EYS: variants seen among roughly 807,000 people sequenced by gnomAD.
The protein encoded by EYS is EGF-like photoreceptor maintenance factor, also known as protein eyes shut homolog.
EYS carries 250 observed loss-of-function variants against 282.1 expected under a neutral mutation model. The ratio of observed to expected loss-of-function variants is 0.89; its 90% CI spans 0.80 to 0.98. The LOEUF is 0.98. Among genes scored for constraint, EYS ranks in the 50% least tolerant of loss-of-function variants. EYS has a pLI of 0.00. For synonymous variants in EYS, 1,355 were observed against 1,282.9 expected (o/e 1.06, Z -1.20); for missense variants, 4,016 against 3,709.0 (o/e 1.08, Z -2.15).
chr6:64,464,871 T>C (rs955911055), intron 26 of EYS, among the ~76,000 whole-genome samples: 4 of 151,826 alleles, frequency 2.6e-5, no homozygotes, highest in Admixed American at 6.6e-5. Context: ...TACCTTAAGA[T>C]AAAAATAAAA....
intron 2 of EYS, among the ~76,000 whole-genome samples, chr6:65,513,402 T>A (rs1404033223): frequency 6.6e-6 from 1 of 151,918 alleles, no homozygotes; most frequent in Non-Finnish European, 1.5e-5. Context: ...ACTATTCCAA[T>A]CAATAGAAAA....
At chr6:64,386,886 C>T (rs905891418) in intron 29 of EYS, among the ~76,000 whole-genome samples, 9 of 152,106 alleles carry the variant, frequency 5.9e-5, no homozygotes, top group Admixed American at 1.3e-4. Context: ...CAGTTGTACA[C>T]TTTGGTTGCT....
chr6:65,614,259 A>T (rs945248406), intron 2 of EYS, among the ~76,000 whole-genome samples: 1 of 152,042 alleles, frequency 6.6e-6, no homozygotes, highest in Non-Finnish European at 1.5e-5. Context: ...AGACTACCAT[A>T]TAAAAATTAC....
At chr6:64,897,226 G>A (rs751295177) in intron 18 of EYS, among the ~76,000 whole-genome samples, 2 of 152,120 alleles carry the variant, frequency 1.3e-5, no homozygotes, top group African/African-American at 4.8e-5. Flanking sequence ...TCTGGCAGGT[G>A]CTTCTCTGGG....
chr6:64,259,664 A>G (rs559775298), intron 30 of EYS, among the ~76,000 whole-genome samples: 3 of 82,658 alleles, frequency 3.6e-5, no homozygotes, highest in Admixed American at 2.4e-4. Flanking sequence ...ACACACACAC[A>G]CACACACACA....
At chr6:64,428,595 C>T (rs1774483470) in intron 28 of EYS, among the ~76,000 whole-genome samples, 1 of 152,082 alleles carries the variant, frequency 6.6e-6, no homozygotes, top group Admixed American at 6.6e-5. Flanking sequence ...CTATGATATG[C>T]TAATCTTTGT....
chr6:65,639,479 C>T (rs1767206715), intron 2 of EYS, among the ~76,000 whole-genome samples: 2 of 152,050 alleles, frequency 1.3e-5, no homozygotes, highest in South Asian at 4.1e-4. Context: ...ATCTCTTTCT[C>T]TTTCCAAGGC....
chr6:64,980,785 C>T (rs994590832), intron 14 of EYS, among the ~76,000 whole-genome samples: 3 of 151,192 alleles, frequency 2.0e-5, no homozygotes, highest in Non-Finnish European at 4.4e-5. Flanking sequence ...AGGCCTAAGA[C>T]TTTAATAGTT....
At chr6:64,494,229 A>G (rs544389593) in intron 26 of EYS, among the ~76,000 whole-genome samples, 18 of 151,782 alleles carry the variant, frequency 1.2e-4, no homozygotes, top group African/African-American at 4.1e-4. Flanking sequence ...ATTTATCCTC[A>G]AACCATTCTC....
At chr6:65,363,793 G>A (rs961951269) in intron 8 of EYS, among the ~76,000 whole-genome samples, 1 of 151,508 alleles carries the variant, frequency 6.6e-6, no homozygotes, top group Non-Finnish European at 1.5e-5. Flanking sequence ...TTTTCCAATT[G>A]TAGAAGTGTA....
intron 8 of EYS, among the ~76,000 whole-genome samples, chr6:65,364,559 G>T (rs1216705123): frequency 6.0e-5 from 9 of 151,120 alleles, no homozygotes; most frequent in Non-Finnish European, 1.0e-4. Flanking sequence ...GACTTCTTAT[G>T]ATATCCTTCT....
At chr6:64,120,520 A>C (rs899946403) in intron 31 of EYS, among the ~76,000 whole-genome samples, 3 of 152,096 alleles carry the variant, frequency 2.0e-5, no homozygotes, top group Non-Finnish European at 4.4e-5. Flanking sequence ...CAAATAGAAA[A>C]GAAAAAGGTA....
At chr6:64,461,419 C>CA (rs1459469782) in intron 26 of EYS, among the ~76,000 whole-genome samples, 2 of 151,874 alleles carry the variant, frequency 1.3e-5, no homozygotes, top group Admixed American at 1.3e-4. Context: ...GTTTACAAGC[C>CA]AAAAAACTGC....
intron 22 of EYS, among the ~76,000 whole-genome samples, chr6:64,727,088 T>C (rs1478013818): frequency 6.6e-6 from 1 of 152,168 alleles, no homozygotes; most frequent in Non-Finnish European, 1.5e-5. Flanking sequence ...TACAAAAATA[T>C]AAGTGTAATG....
intron 36 of EYS, among the ~76,000 whole-genome samples, chr6:63,832,778 G>A (rs1771682338): frequency 6.6e-6 from 1 of 152,116 alleles, no homozygotes; most frequent in African/African-American, 2.4e-5. Context: ...GAGAATTTTA[G>A]ACCAATATTC....
intron 31 of EYS, among the ~76,000 whole-genome samples, chr6:64,174,214 AGTG>A (rs965330051): frequency 6.6e-6 from 1 of 152,152 alleles, no homozygotes; most frequent in African/African-American, 2.4e-5. Flanking sequence ...TTCAACTGAA[AGTG>A]AAAAAAATCT....
At chr6:63,766,635 G>A (rs143444311) in intron 40 of EYS, among the ~76,000 whole-genome samples, 45 of 152,124 alleles carry the variant, frequency 3.0e-4, no homozygotes, top group Middle Eastern at 6.8e-3. Flanking sequence ...CCATGTGCCA[G>A]GCAGTCTTCT....
intron 31 of EYS, among the ~76,000 whole-genome samples, chr6:64,107,314 T>TAA (rs1554208134): frequency 2.3e-5 from 3 of 132,432 alleles, no homozygotes; most frequent in Admixed American, 7.8e-5. Flanking sequence ...TATATATATA[T>TAA]AAAGGGGAGT....
intron 12 of EYS, among the ~76,000 whole-genome samples, chr6:65,212,632 A>T (rs963907435): frequency 6.6e-6 from 1 of 152,142 alleles, no homozygotes; most frequent in Non-Finnish European, 1.5e-5. Flanking sequence ...ACTGAATTAT[A>T]TAATACAGAT....
Sources: allele counts gnomAD v4.1 joint callset (sites outside exome capture counted in the v4.1 genomes callset), GRCh38; gene constraint gnomAD v4.1.1; transcripts MANE v1.5; gene names NCBI Gene and HGNC (gene_info 2026-07-23, HGNC 2026-07-21).